THRAP3: variants seen among roughly 807,000 people sequenced by gnomAD.
THRAP3 encodes thyroid hormone receptor-associated protein 3.
THRAP3 carries 16 observed loss-of-function variants against 101.0 expected under a neutral mutation model. The ratio of observed to expected loss-of-function variants is 0.16; its 90% confidence interval spans 0.11 to 0.24. The LOEUF is 0.24. Among genes scored for constraint, THRAP3 ranks in the 10% least tolerant of loss-of-function variants. The pLI is 1.00. For synonymous variants in THRAP3, 407 were observed against 422.6 expected (o/e 0.96, Z 0.45); for missense variants, 989 against 1,202.7 (o/e 0.82, Z 2.63).
chr1:36,216,307 G>A, the THRAP3 span, among the ~76,000 whole-genome samples: 1 of 151,852 alleles, frequency 6.6e-6, no homozygotes, highest in Admixed American at 6.6e-5. Context: ...CTCACCTGAG[G>A]TCAAGAGTTC....
At chr1:36,235,341 A>C (rs1283910911) in intron 1 of THRAP3, among the ~76,000 whole-genome samples, 2 of 152,200 alleles carry the variant, frequency 1.3e-5, no homozygotes, top group African/African-American at 2.4e-5. Flanking sequence ...GAAAGTAGTC[A>C]TAAGAAGTTA....
intron 1 of THRAP3, among the ~76,000 whole-genome samples, chr1:36,256,757 T>G (rs1333714757): frequency 6.6e-6 from 1 of 152,200 alleles, no homozygotes; most frequent in African/African-American, 2.4e-5. Flanking sequence ...GTTTCTGACC[T>G]GATCTACCAA....
intron 6 of THRAP3, among the ~76,000 whole-genome samples, chr1:36,291,808 A>G (rs1645871489): frequency 6.6e-6 from 1 of 152,230 alleles, no homozygotes; most frequent in Non-Finnish European, 1.5e-5. Flanking sequence ...TTGAAAACTG[A>G]GAAGCCAATA....
At chr1:36,225,692 A>C (rs966989195) in intron 1 of THRAP3, among the ~76,000 whole-genome samples, 1 of 152,074 alleles carries the variant, frequency 6.6e-6, no homozygotes, top group Admixed American at 6.6e-5. Context: ...GTAATTCTAG[A>C]CAGTCTGACG....
At chr1:36,253,424 G>A (rs1645332972) in intron 1 of THRAP3, among the ~76,000 whole-genome samples, 1 of 152,172 alleles carries the variant, frequency 6.6e-6, no homozygotes, top group Admixed American at 6.6e-5. Context: ...GAGCTCAGAA[G>A]ATCTGCTTCA....
At chr1:36,298,270 G>A (rs3124235) in intron 9 of THRAP3, among the ~76,000 whole-genome samples, 5,122 of 151,798 alleles carry the variant, frequency 0.034, 321 homozygotes, top group African/African-American at 0.12. Flanking sequence ...TTTTGGGGCC[G>A]CCCATAGATA....
At chr1:36,281,656 G>A (rs1645733146) in intron 2 of THRAP3, among the ~76,000 whole-genome samples, 1 of 151,778 alleles carries the variant, frequency 6.6e-6, no homozygotes, top group Admixed American at 6.6e-5. Flanking sequence ...TAGAGGTGGG[G>A]GAATCTTCCT....
At chr1:36,261,341 GCT>G (rs1645443023) in intron 2 of THRAP3, among the ~76,000 whole-genome samples, 3 of 152,152 alleles carry the variant, frequency 2.0e-5, no homozygotes, top group Admixed American at 2.0e-4. Context: ...GACCATCCTG[GCT>G]AACACGGTGA....
chr1:36,282,769 T>C, intron 3 of THRAP3, 69 bp downstream of exon 3: 2 of 1,577,032 alleles, frequency 1.3e-6, no homozygotes, highest in South Asian at 1.1e-5. Flanking sequence ...TGAAGATCTT[T>C]TGTTAGACTT....
chr1:36,297,976 C>G (rs1339409787), intron 9 of THRAP3, among the ~76,000 whole-genome samples: 1 of 147,204 alleles, frequency 6.8e-6, no homozygotes, highest in Non-Finnish European at 1.5e-5. Context: ...GAAACCCTGT[C>G]TCTACTGAAA....
intron 2 of THRAP3, among the ~76,000 whole-genome samples, chr1:36,268,355 T>G (rs1043269175): frequency 1.3e-5 from 2 of 152,104 alleles, no homozygotes; most frequent in African/African-American, 2.4e-5. Flanking sequence ...GAACAGAGAT[T>G]GACATTTTGG....
chr1:36,269,522 G>A (rs1446187620), intron 2 of THRAP3, among the ~76,000 whole-genome samples: 1 of 152,142 alleles, frequency 6.6e-6, no homozygotes, highest in Non-Finnish European at 1.5e-5. Flanking sequence ...GTTTACTTTA[G>A]ATGTGTTTGA....
chr1:36,222,927 G>A (rs901921609), upstream of THRAP3, among the ~76,000 whole-genome samples: 3 of 151,864 alleles, frequency 2.0e-5, no homozygotes, highest in Non-Finnish European at 4.4e-5. Context: ...TCAGGAGTCT[G>A]ATACCAGCTT....
chr1:36,302,218 C>T (rs907377314), intron 11 of THRAP3, among the ~76,000 whole-genome samples: 1 of 152,198 alleles, frequency 6.6e-6, no homozygotes, highest in African/African-American at 2.4e-5. Flanking sequence ...GCTGAAGTAC[C>T]TGGCCTTGAG....
chr1:36,265,980 C>G (rs1275186846), intron 2 of THRAP3, among the ~76,000 whole-genome samples: 1 of 151,666 alleles, frequency 6.6e-6, no homozygotes, highest in Non-Finnish European at 1.5e-5. Flanking sequence ...ATGGTGAGAC[C>G]CCGTCTGTAT....
rs895041451 is a variant in THRAP3, at chr1:36,288,848, A to G, written c.1041-212A>G. ...TGTAAGACACAACTCCATGGATCAT[A>G]TATTTTTCTCTTAATTGGCAAGTTC... On this transcript the variant is annotated intron_variant, in intron 4 of 11. Coordinates refer to ENST00000354618, the MANE Select transcript of THRAP3 (RefSeq NM_005119.4). The G allele has an allele frequency of 5.1e-6, 5 of 985,252 alleles. No homozygotes were observed. The African/African-American group carries it at 8.7e-5, about 17-fold the overall frequency. The allele number at this position is 985,252 out of a possible 1,614,324, so 61.0% of individuals were successfully genotyped here. A position where few individuals can be genotyped will look rare whatever the true frequency, so the allele number is the denominator to read the frequency against.
At chr1:36,303,516 A>G (rs979198776) in intron 11 of THRAP3, among the ~76,000 whole-genome samples, 32 of 152,182 alleles carry the variant, frequency 2.1e-4, no homozygotes, top group African/African-American at 6.8e-4. Flanking sequence ...TCTTTAAACT[A>G]TTAAGGGTTC....
intron 1 of THRAP3, among the ~76,000 whole-genome samples, chr1:36,239,133 T>C (rs1309199642): frequency 1.3e-5 from 2 of 151,336 alleles, no homozygotes; most frequent in African/African-American, 4.9e-5. Flanking sequence ...CTCGATCTCC[T>C]GAGCTGGTGA....
rs10752587 is a variant in THRAP3, at chr1:36,303,445, G to C, written c.2647-351G>C. On this transcript the variant is annotated intron_variant, in intron 11 of 11. Transcript: ENST00000354618. ...GGAGGTGATAATGATAGGGTAGATA[G>C]GAGAATTAAATGAGATAGTACATAA... Among the ~76,000 whole-genome samples the C allele has an allele frequency of 2.0e-5, 3 of 152,222 alleles. No individual in the cohort carries two copies. In the South Asian group the frequency reaches 6.2e-4, roughly 32 times the overall value.
Sources: gnomAD v4.1 joint callset for allele counts (sites outside exome capture counted in the v4.1 genomes callset) on GRCh38, gnomAD v4.1.1 for gene constraint, MANE v1.5 for transcripts, NCBI Gene and HGNC (gene_info 2026-07-23, HGNC 2026-07-21) for gene names.